Variants in GRID1 observed in about 807,000 individuals in gnomAD.
GRID1 encodes the protein glutamate receptor ionotropic, delta-1.
GRID1 carries 28 observed loss-of-function variants against 98.0 expected under a neutral mutation model. The ratio of observed to expected loss-of-function variants is 0.29; its 90% CI spans 0.21 to 0.39. The LOEUF is 0.39. Ranked by LOEUF, GRID1 falls within the 10% of genes least tolerant of loss-of-function variation. GRID1 has a pLI of 1.00. For missense variants in GRID1, 1,111 were observed against 1,340.5 expected (o/e 0.83, Z 2.67); for synonymous variants, 553 against 538.5 (o/e 1.03, Z -0.37).
At chr10:85,795,225 C>A (rs1337319790) in intron 8 of GRID1, among the ~76,000 whole-genome samples, 1 of 152,148 alleles carries the variant, frequency 6.6e-6, no homozygotes, top group African/African-American at 2.4e-5. Flanking sequence ...TTTGCTTGTT[C>A]TTGAAATTGG....
chr10:86,147,542 A>G (rs907789975), intron 3 of GRID1, among the ~76,000 whole-genome samples: 2 of 152,234 alleles, frequency 1.3e-5, no homozygotes, highest in Non-Finnish European at 2.9e-5. Context: ...AGCTGCACAC[A>G]TACAACCATC....
intron 3 of GRID1, among the ~76,000 whole-genome samples, chr10:86,204,380 C>A (rs967405271): frequency 1.3e-5 from 2 of 152,216 alleles, no homozygotes; most frequent in Non-Finnish European, 2.9e-5. Flanking sequence ...CATCACCAGG[C>A]AGTCCAGCAC....
intron 2 of GRID1, among the ~76,000 whole-genome samples, chr10:86,212,266 G>A (rs925522819): frequency 5.3e-5 from 8 of 152,168 alleles, no homozygotes; most frequent in East Asian, 1.9e-4. Context: ...GCATCGCTCC[G>A]CAGGCTTGCT....
chr10:85,602,961 G>A (rs548429975), intron 15 of GRID1, among the ~76,000 whole-genome samples: 14 of 152,180 alleles, frequency 9.2e-5, no homozygotes, highest in Non-Finnish European at 7.3e-5. Context: ...CCTTGCCTCT[G>A]TACTCAGTTT....
intron 15 of GRID1, among the ~76,000 whole-genome samples, chr10:85,608,720 T>A (rs1842700205): frequency 6.6e-6 from 1 of 152,094 alleles, no homozygotes; most frequent in Non-Finnish European, 1.5e-5. Flanking sequence ...ACTGGCAATG[T>A]GGAGCATACC....
In GRID1 at chr10:86,282,688, T is replaced by A. The variant is rs568721987; in HGVS notation, c.236-76040A>T. ...TACAGAGAGTGCTGGCCTCTATCAC[T>A]AGACACCCCCTAAATTCAGGGATTG... On this transcript the variant is annotated intron_variant, in intron 2 of 15. Coordinates refer to ENST00000327946, the MANE Select transcript of GRID1 (RefSeq NM_017551.3). Among the ~76,000 whole-genome samples the A allele has an allele frequency of 4.6e-5, 7 of 152,218 alleles. No individual in the cohort carries two copies. In the East Asian group the frequency reaches 1.2e-3, roughly 25 times the overall value.
At chr10:85,954,717 G>A (rs979813335) in intron 4 of GRID1, among the ~76,000 whole-genome samples, 5 of 152,108 alleles carry the variant, frequency 3.3e-5, no homozygotes, top group Non-Finnish European at 5.9e-5. Flanking sequence ...AGGTCCTTCC[G>A]AACTGGCAGA....
chr10:85,692,770 T>TA (rs375602610), intron 12 of GRID1, among the ~76,000 whole-genome samples: 137 of 150,946 alleles, frequency 9.1e-4, no homozygotes, highest in African/African-American at 3.2e-3. Flanking sequence ...TAGAAAATCA[T>TA]AAGAAAAAAC....
At position 85,774,242 on chromosome 10, in the gene GRID1, T is replaced by C. The variant is rs906323961; in HGVS notation, c.1234-44628A>G. Among the ~76,000 whole-genome samples, 182 of 152,252 alleles carry C rather than the reference T, an allele frequency of 1.2e-3. 1 individual carries two copies. Among genetic ancestry groups the C allele is most frequent in the African/African-American group, 4.2e-3 (176 of 41,554 alleles). On this transcript the variant is annotated intron_variant, in intron 8 of 15. Transcript: ENST00000327946. ...AATGGGGAAAGGATTCCCTATTTAA[T>C]AAATGGTGCTGGGAAAACTGGCTAG...
intron 4 of GRID1, among the ~76,000 whole-genome samples, chr10:86,040,216 T>C (rs1343524197): frequency 2.0e-5 from 3 of 152,102 alleles, no homozygotes; most frequent in Non-Finnish European, 4.4e-5. Context: ...ATAGATCTAC[T>C]GTATGACCCA....
intron 12 of GRID1, among the ~76,000 whole-genome samples, chr10:85,654,671 G>C (rs866942960): frequency 6.6e-6 from 1 of 152,264 alleles, no homozygotes; most frequent in Middle Eastern, 3.4e-3. Flanking sequence ...TGTGATAGTT[G>C]TATCTTCAGT....
At chr10:86,351,015 C>T (rs1679785153) in intron 2 of GRID1, among the ~76,000 whole-genome samples, 1 of 152,230 alleles carries the variant, frequency 6.6e-6, no homozygotes, top group Admixed American at 6.5e-5. Context: ...ATGTGTTTAG[C>T]TCCCACATGA....
chr10:86,017,206 C>T (rs1263615377), intron 4 of GRID1, among the ~76,000 whole-genome samples: 6 of 152,218 alleles, frequency 3.9e-5, no homozygotes, highest in Admixed American at 6.5e-5. Flanking sequence ...GTTCAATTCC[C>T]TCATTTTACC....
intron 4 of GRID1, among the ~76,000 whole-genome samples, chr10:85,936,386 T>TA (rs1342153692): frequency 3.3e-5 from 5 of 152,214 alleles, no homozygotes; most frequent in Non-Finnish European, 7.3e-5. Context: ...CCAGAGCTGA[T>TA]ATAAGAGGCA....
intron 4 of GRID1, among the ~76,000 whole-genome samples, chr10:86,112,484 C>T (rs1392746161): frequency 6.6e-6 from 1 of 152,108 alleles, no homozygotes. Context: ...CCCTTCTCCT[C>T]AGCAATGAAA....
At chr10:86,219,921 CTT>C (rs1564710018) in intron 2 of GRID1, among the ~76,000 whole-genome samples, 1 of 152,202 alleles carries the variant, frequency 6.6e-6, no homozygotes, top group Non-Finnish European at 1.5e-5. Flanking sequence ...AGAGAATGGA[CTT>C]GGCAATCACG....
chr10:85,653,177 C>A (rs1355807331), intron 12 of GRID1, among the ~76,000 whole-genome samples: 1 of 152,210 alleles, frequency 6.6e-6, no homozygotes, highest in Non-Finnish European at 1.5e-5. Context: ...ACAAAGCAGG[C>A]TGCAGGCCCT....
At chr10:85,707,270 A>G (rs1841531236) in intron 12 of GRID1, among the ~76,000 whole-genome samples, 1 of 152,348 alleles carries the variant, frequency 6.6e-6, no homozygotes, top group South Asian at 2.1e-4. Context: ...TTACAAGAAA[A>G]AAAAACAAAC....
chr10:85,985,591 T>C (rs1261300701), intron 4 of GRID1, among the ~76,000 whole-genome samples: 1 of 152,180 alleles, frequency 6.6e-6, no homozygotes, highest in Non-Finnish European at 1.5e-5. Flanking sequence ...AGAACCTACA[T>C]CTGGGTTCCC....
Sources: gnomAD v4.1 joint callset for allele counts (sites outside exome capture counted in the v4.1 genomes callset) on GRCh38, gnomAD v4.1.1 for gene constraint, MANE v1.5 for transcripts, NCBI Gene and HGNC (gene_info 2026-07-23, HGNC 2026-07-21) for gene names.